Variants in NAT1 observed in about 807,000 individuals in gnomAD.
NAT1 encodes N-acetyltransferase 1.
For missense variants in NAT1, 400 were observed against 339.2 expected, an observed-to-expected ratio of 1.18 and a Z score of -1.41; for synonymous variants, 144 against 122.6, an observed-to-expected ratio of 1.17 and a Z score of -1.16.
chr8:18,207,798 A>T (rs1202750743), upstream of NAT1, among the ~76,000 whole-genome samples: 1 of 152,228 alleles, frequency 6.6e-6, no homozygotes, highest in Admixed American at 6.5e-5. Context: ...TCATTCTATT[A>T]TAAAGATACA....
At chr8:18,192,512 A>G (rs927809961) in intron 2 of NAT1, among the ~76,000 whole-genome samples, 1 of 152,202 alleles carries the variant, frequency 6.6e-6, no homozygotes, top group Admixed American at 6.5e-5. Flanking sequence ...TGGACTATAA[A>G]TCATGCTGCT....
rs1805375187 is a variant in NAT1 at position 18,222,188 on chromosome 8, C to T, written c.141C>T (p.Ala47=). 1 of 1,614,090 alleles carries T rather than the reference C, an allele frequency of 6.2e-7. No individual in the cohort carries two copies. Among genetic ancestry groups the T allele is most frequent in the African/African-American group, 1.3e-5 (1 of 75,016 alleles). The change falls in exon 3 of 3, where the codon GCC becomes GCT. Residue 47 remains alanine (A), a synonymous_variant. Transcript: ENST00000307719. Reference sequence around the variant, plus strand: ...ACCTTAACATCCATTGTGGGGATGCCATGGACTTAGGCTTAGAGGCCATTT... The same window carrying T: ...ACCTTAACATCCATTGTGGGGATGCTATGGACTTAGGCTTAGAGGCCATTT... ...FENLNIHCGD[A]MDLGLEAIFD...
At chr8:18,199,698 A>G (rs990471422) in intron 2 of NAT1, among the ~76,000 whole-genome samples, 5 of 152,202 alleles carry the variant, frequency 3.3e-5, no homozygotes, top group Non-Finnish European at 7.3e-5. Context: ...GTGATGGCTG[A>G]TAAGTCACTG....
intron 2 of NAT1, among the ~76,000 whole-genome samples, chr8:18,203,321 CA>C: frequency 6.6e-6 from 1 of 152,196 alleles, no homozygotes; most frequent in South Asian, 2.1e-4. Context: ...TAATTTTGGG[CA>C]AATAAAACTA....
intron 2 of NAT1, among the ~76,000 whole-genome samples, chr8:18,192,941 G>C (rs1037221080): frequency 1.3e-5 from 2 of 151,248 alleles, no homozygotes; most frequent in African/African-American, 2.4e-5. Flanking sequence ...GTATACATAT[G>C]TAACTAACCT....
intron 1 of NAT1, among the ~76,000 whole-genome samples, chr8:18,215,962 A>T (rs924710632): frequency 3.3e-5 from 5 of 152,186 alleles, no homozygotes; most frequent in Admixed American, 6.5e-5. Context: ...AAGGACTGCA[A>T]ATTTAAAGGG....
At position 18,223,176 on chromosome 8, in the gene NAT1, G is replaced by C. The variant is rs1805527434; in HGVS notation, c.*256G>C. ...ATGGCCTGTGGTTATCTTGGAAATT[G>C]GTGATTTATGCTAGAAAGCTTTTAA... is the stretch of plus-strand genomic sequence containing the variant. On this transcript the variant is annotated 3_prime_UTR_variant, in exon 3 of 3. Coordinates refer to ENST00000307719, the MANE Select transcript of NAT1 (RefSeq NM_000662.8). The C allele has an allele frequency of 1.1e-5, 2 of 179,108 alleles. No individual in the cohort carries two copies. The highest frequency in any genetic ancestry group is 4.8e-5 in the African/African-American group (2 of 41,808). The allele number at this position is 179,108 out of a possible 1,614,324, so 11.1% of individuals were successfully genotyped here.
At chr8:18,190,908 A>G (rs1043429925) in intron 2 of NAT1, among the ~76,000 whole-genome samples, 23 of 151,916 alleles carry the variant, frequency 1.5e-4, no homozygotes, top group African/African-American at 5.6e-4. Flanking sequence ...CTCTACTAAA[A>G]ATACAAAAAT....
chr8:18,191,996 A>C (rs907592552), intron 2 of NAT1, among the ~76,000 whole-genome samples: 9 of 152,044 alleles, frequency 5.9e-5, no homozygotes, highest in African/African-American at 2.2e-4. Flanking sequence ...AATGGGATCT[A>C]ATTAAACTAA....
intron 2 of NAT1, among the ~76,000 whole-genome samples, chr8:18,188,994 C>CAAAAAAAAAAAAAAA (rs55636901): frequency 8.4e-5 from 7 of 83,092 alleles, no homozygotes; most frequent in Admixed American, 1.7e-4. Context: ...GACTCCGACT[C>CAAAAAAAAAAAAAAA]AAAAAAAAAA....
intron 2 of NAT1, among the ~76,000 whole-genome samples, chr8:18,178,988 C>G: frequency 6.6e-6 from 1 of 152,156 alleles, no homozygotes; most frequent in Admixed American, 6.6e-5. Context: ...CTTTCCTCAA[C>G]AGTTTCAACT....
chr8:18,194,596 G>A (rs574739312), intron 2 of NAT1, among the ~76,000 whole-genome samples: 2 of 152,058 alleles, frequency 1.3e-5, no homozygotes, highest in East Asian at 3.9e-4. Flanking sequence ...TGAGGCAGGT[G>A]ATCACTTGAG....
chr8:18,173,181 G>A (rs981223001), intron 2 of NAT1, among the ~76,000 whole-genome samples: 1 of 138,066 alleles, frequency 7.2e-6, no homozygotes, highest in African/African-American at 2.8e-5. Flanking sequence ...CACACACAAT[G>A]ATCATGTGCA....
chr8:18,205,842 G>A (rs113329341), upstream of NAT1, among the ~76,000 whole-genome samples: 341 of 152,316 alleles, frequency 2.2e-3, 3 homozygotes, highest in Admixed American at 6.1e-3. Context: ...GCTGCAAGCA[G>A]GTGTGGCCAG....
intron 2 of NAT1, among the ~76,000 whole-genome samples, chr8:18,198,212 A>C (rs1418859288): frequency 6.6e-6 from 1 of 152,216 alleles, no homozygotes; most frequent in Non-Finnish European, 1.5e-5. Context: ...AAATCAATGA[A>C]GTGAAACATG....
At chr8:18,173,234 C>G (rs1403998137) in intron 2 of NAT1, among the ~76,000 whole-genome samples, 2 of 152,012 alleles carry the variant, frequency 1.3e-5, no homozygotes, top group East Asian at 3.9e-4. Flanking sequence ...TTCTTTGATC[C>G]TTATTGCAGT....
intron 2 of NAT1, chr8:18,170,863 T>G (rs1460484500): frequency 6.6e-6 from 1 of 151,802 alleles, no homozygotes; most frequent in Admixed American, 6.6e-5. Context: ...CACGTTTATC[T>G]CAGCGACCTT....
At chr8:18,206,636 T>G (rs763679656), upstream of NAT1, among the ~76,000 whole-genome samples, 28 of 152,354 alleles carry the variant, frequency 1.8e-4, no homozygotes, top group Middle Eastern at 3.4e-3. Flanking sequence ...TGTCTGTTCA[T>G]GTCCTTTGCC....
chr8:18,187,976 C>T (rs1802813975), intron 2 of NAT1, among the ~76,000 whole-genome samples: 2 of 150,726 alleles, frequency 1.3e-5, no homozygotes, highest in Admixed American at 1.3e-4. Context: ...CACACACACA[C>T]ACACTTTTAT....
Sources: gnomAD v4.1 joint callset for allele counts (sites outside exome capture counted in the v4.1 genomes callset) on GRCh38, gnomAD v4.1.1 for gene constraint, MANE v1.5 for transcripts, NCBI Gene and HGNC (gene_info 2026-07-23, HGNC 2026-07-21) for gene names.